Variants in NXPE2 observed in about 807,000 individuals in gnomAD.
The protein encoded by NXPE2 is NXPE family member 2.
NXPE2 carries 34 observed loss-of-function variants against 34.4 expected under a neutral mutation model. The ratio of observed to expected loss-of-function variants is 0.99; its 90% CI spans 0.75 to 1.31. The LOEUF is 1.31. NXPE2 is among the 40% of genes most tolerant of loss of function. The pLI, the probability that NXPE2 is intolerant of heterozygous loss-of-function variation, is 0.00. For synonymous variants in NXPE2, 235 were observed against 231.3 expected (o/e 1.02, Z -0.15); for missense variants, 649 against 672.5 (o/e 0.97, Z 0.39).
At chr11:114,560,482 G>T in the NXPE2 span, among the ~76,000 whole-genome samples, 1 of 151,860 alleles carries the variant, frequency 6.6e-6, no homozygotes, top group South Asian at 2.1e-4. Flanking sequence ...GCCCAGGCTG[G>T]TCTTGAACTC....
chr11:114,781,421 T>G, the NXPE2 span, among the ~76,000 whole-genome samples: 4 of 152,168 alleles, frequency 2.6e-5, no homozygotes, highest in Non-Finnish European at 5.9e-5. Context: ...GCCAAAGGAT[T>G]TGCAGGAAAA....
chr11:114,548,907 A>G, the NXPE2 span, among the ~76,000 whole-genome samples: 4 of 152,046 alleles, frequency 2.6e-5, no homozygotes, highest in African/African-American at 9.6e-5. Flanking sequence ...ACAAGCCACT[A>G]GTGAATCTAA....
chr11:114,486,703 T>C, the NXPE2 span, among the ~76,000 whole-genome samples: 1 of 152,140 alleles, frequency 6.6e-6, no homozygotes, highest in South Asian at 2.1e-4. Flanking sequence ...TTGTTTCATT[T>C]TTCTGCATAT....
the NXPE2 span, among the ~76,000 whole-genome samples, chr11:114,473,826 T>C: frequency 1.3e-5 from 2 of 152,242 alleles, no homozygotes; most frequent in Non-Finnish European, 2.9e-5. Context: ...AGATTAATTC[T>C]GTGACCTTGA....
chr11:114,577,361 G>A, the NXPE2 span, among the ~76,000 whole-genome samples: 1 of 151,700 alleles, frequency 6.6e-6, no homozygotes, highest in Non-Finnish European at 1.5e-5. Flanking sequence ...AGGACGCAAA[G>A]GCTTAAGAAT....
At chr11:114,614,180 G>A in the NXPE2 span, among the ~76,000 whole-genome samples, 3 of 147,532 alleles carry the variant, frequency 2.0e-5, no homozygotes, top group Non-Finnish European at 4.5e-5. Context: ...CCTGTAATAA[G>A]AGGGATATTA....
chr11:114,786,802 A>C, the NXPE2 span, among the ~76,000 whole-genome samples: 99 of 144,158 alleles, frequency 6.9e-4, no homozygotes, highest in African/African-American at 2.3e-3. Context: ...GCCACAGGTG[A>C]TCTGTGTTGG....
At chr11:114,721,987 T>A in the NXPE2 span, among the ~76,000 whole-genome samples, 17 of 152,180 alleles carry the variant, frequency 1.1e-4, no homozygotes, top group African/African-American at 4.1e-4. Flanking sequence ...TGAGTTGTGA[T>A]GTTTGACTTG....
the NXPE2 span, among the ~76,000 whole-genome samples, chr11:114,665,482 A>T: frequency 6.6e-6 from 1 of 152,182 alleles, no homozygotes; most frequent in Non-Finnish European, 1.5e-5. Context: ...TATCATTTCT[A>T]AAAAGGAAGG....
At chr11:114,491,019 G>A in the NXPE2 span, among the ~76,000 whole-genome samples, 42 of 149,854 alleles carry the variant, frequency 2.8e-4, no homozygotes, top group Non-Finnish European at 4.9e-4. Context: ...AAAATTAGCC[G>A]GGCGCGGTGG....
chr11:114,722,897 C>G, the NXPE2 span, among the ~76,000 whole-genome samples: 3 of 152,114 alleles, frequency 2.0e-5, no homozygotes, highest in African/African-American at 7.2e-5. Context: ...GACAGAAGCA[C>G]GTGCTAACTT....
chr11:114,564,244 T>C, the NXPE2 span, among the ~76,000 whole-genome samples: 1 of 152,068 alleles, frequency 6.6e-6, no homozygotes, highest in East Asian at 1.9e-4. Flanking sequence ...CACTCATAAG[T>C]GGGAGCTAAG....
chr11:114,519,267 G>A, the NXPE2 span, among the ~76,000 whole-genome samples: 1 of 152,134 alleles, frequency 6.6e-6, no homozygotes, highest in Non-Finnish European at 1.5e-5. Flanking sequence ...CACTGAATTC[G>A]TATTAATAAT....
the NXPE2 span, among the ~76,000 whole-genome samples, chr11:114,807,634 A>G: frequency 2.0e-5 from 3 of 151,752 alleles, no homozygotes; most frequent in East Asian, 5.8e-4. Context: ...TTCAACAAGA[A>G]GAGCTAACTG....
chr11:114,778,056 G>A, the NXPE2 span, among the ~76,000 whole-genome samples: 1 of 152,222 alleles, frequency 6.6e-6, no homozygotes, highest in African/African-American at 2.4e-5. Flanking sequence ...TCAAAGAAGT[G>A]TAGTATTCTA....
chr11:114,582,650 A>C, the NXPE2 span: 1 of 1,614,160 alleles, frequency 6.2e-7, no homozygotes, highest in Admixed American at 1.7e-5. Flanking sequence ...TGTTGAAGTC[A>C]GTCACCTTTC....
At chr11:114,633,542 C>CA in the NXPE2 span, among the ~76,000 whole-genome samples, 1 of 150,922 alleles carries the variant, frequency 6.6e-6, no homozygotes, top group African/African-American at 2.4e-5. Context: ...ATACATGTGC[C>CA]ATGCTTGTGT....
chr11:114,572,014 C>T, the NXPE2 span, among the ~76,000 whole-genome samples: 1 of 152,200 alleles, frequency 6.6e-6, no homozygotes, highest in Non-Finnish European at 1.5e-5. Context: ...CCCCTGCTAA[C>T]TCCACTGGAG....
At chr11:114,808,589 T>A in the NXPE2 span, among the ~76,000 whole-genome samples, 1 of 96,594 alleles carries the variant, frequency 1.0e-5, no homozygotes, top group Non-Finnish European at 2.1e-5. Context: ...AACTAGAAAA[T>A]CTAGAAGAAA....
Sources: allele counts gnomAD v4.1 joint callset (sites outside exome capture counted in the v4.1 genomes callset), GRCh38; gene constraint gnomAD v4.1.1; transcripts MANE v1.5; gene names NCBI Gene and HGNC (gene_info 2026-07-23, HGNC 2026-07-21).